The following NCEH1 variants were observed in gnomAD, a reference collection of about 807,000 sequenced individuals.
The protein encoded by NCEH1 is neutral cholesterol ester hydrolase 1.
A neutral mutation model predicts 25.4 loss-of-function variants in NCEH1; 9 were observed. The observed-to-expected ratio is 0.35, with a 90% CI of 0.21 to 0.62. The LOEUF (loss-of-function observed/expected upper bound fraction) is 0.62, where lower values mean the gene tolerates loss of function less well. Among genes scored for constraint, NCEH1 ranks in the 20% least tolerant of loss-of-function variants. The pLI is 0.72. For missense variants in NCEH1, 412 were observed against 501.1 expected (o/e 0.82, Z 1.70); for synonymous variants, 200 against 199.8 (o/e 1.00, Z -0.01).
chr3:172,669,744 C>A lies in NCEH1; in HGVS notation c.139-21630G>T, dbSNP rs567215885. ...TAGAGATGGGGTTTCGCCATCTTGG[C>A]CAGGCTAGTCTTGATCTCCTGACCT... is the stretch of plus-strand genomic sequence containing the variant. On this transcript the variant is annotated intron_variant, in intron 1 of 4. Transcript: ENST00000475381. Among the ~76,000 whole-genome samples the A allele has an allele frequency of 3.9e-5, 6 of 152,302 alleles. No individual in the cohort carries two copies. In the South Asian group the frequency reaches 1.2e-3, roughly 32 times the overall value.
intron 3 of NCEH1, among the ~76,000 whole-genome samples, chr3:172,643,279 C>A (rs1186574113): frequency 2.6e-5 from 4 of 152,136 alleles, no homozygotes; most frequent in Non-Finnish European, 5.9e-5. Context: ...CCCTGTGTTG[C>A]CTAGGCTGGA....
chr3:172,699,396 T>C (rs1713561428), intron 1 of NCEH1, among the ~76,000 whole-genome samples: 2 of 152,154 alleles, frequency 1.3e-5, no homozygotes, highest in East Asian at 1.9e-4. Context: ...GGATAGGAAG[T>C]GCGGGTGGGG....
intron 4 of NCEH1, among the ~76,000 whole-genome samples, chr3:172,635,330 C>A (rs1366012877): frequency 6.6e-6 from 1 of 152,222 alleles, no homozygotes; most frequent in African/African-American, 2.4e-5. Flanking sequence ...TAAGTTACTT[C>A]ATCCATAACA....
intron 1 of NCEH1, among the ~76,000 whole-genome samples, chr3:172,677,761 T>C (rs561451010): frequency 6.6e-6 from 1 of 152,326 alleles, no homozygotes; most frequent in South Asian, 2.1e-4. Context: ...ACCCCGTCTC[T>C]ACTAAAAATA....
chr3:172,648,773 T>C (rs1243795379), intron 1 of NCEH1, among the ~76,000 whole-genome samples: 1 of 152,180 alleles, frequency 6.6e-6, no homozygotes, highest in Non-Finnish European at 1.5e-5. Context: ...AAGACCATAC[T>C]GCCTGATGGT....
At chr3:172,664,076 T>C (rs1718091491) in intron 1 of NCEH1, among the ~76,000 whole-genome samples, 1 of 152,248 alleles carries the variant, frequency 6.6e-6, no homozygotes, top group Non-Finnish European at 1.5e-5. Context: ...CAATTTGGCA[T>C]GTTTTTGCAG....
intron 2 of NCEH1, among the ~76,000 whole-genome samples, chr3:172,646,532 T>C (rs1174853019): frequency 6.6e-6 from 1 of 152,180 alleles, no homozygotes; most frequent in East Asian, 1.9e-4. Context: ...AGAACCAATT[T>C]AATATGTAAG....
intron 1 of NCEH1, among the ~76,000 whole-genome samples, chr3:172,653,399 T>C (rs1320270012): frequency 1.3e-5 from 2 of 152,136 alleles, no homozygotes; most frequent in Admixed American, 1.3e-4. Flanking sequence ...TAAGTCAACA[T>C]AGAAATTATG....
At chr3:172,689,536 C>G (rs1380440598) in intron 1 of NCEH1, among the ~76,000 whole-genome samples, 5 of 151,118 alleles carry the variant, frequency 3.3e-5, no homozygotes, top group Admixed American at 3.3e-4. Flanking sequence ...CATGAGCCAC[C>G]ACACCTGGCC....
chr3:172,710,377 C>A (rs1401666481), intron 1 of NCEH1, among the ~76,000 whole-genome samples: 1 of 152,204 alleles, frequency 6.6e-6, no homozygotes, highest in Non-Finnish European at 1.5e-5. Context: ...GGGGACATTG[C>A]GAGACTGCCC....
intron 1 of NCEH1, among the ~76,000 whole-genome samples, chr3:172,709,227 TGGA>T (rs1043343739): frequency 6.6e-6 from 1 of 152,228 alleles, no homozygotes; most frequent in African/African-American, 2.4e-5. Context: ...TAACTTATGA[TGGA>T]GAAGACTTCT....
chr3:172,710,429 C>T (rs369477083), intron 1 of NCEH1, among the ~76,000 whole-genome samples: 7 of 150,154 alleles, frequency 4.7e-5, no homozygotes, highest in African/African-American at 1.7e-4. Flanking sequence ...TCCCAGGAAC[C>T]AGAGCCTGCT....
At chr3:172,658,336 T>C (rs1392446312) in intron 1 of NCEH1, among the ~76,000 whole-genome samples, 1 of 152,164 alleles carries the variant, frequency 6.6e-6, no homozygotes, top group African/African-American at 2.4e-5. Context: ...TTCCAGACCT[T>C]TGGTGGATCG....
intron 1 of NCEH1, among the ~76,000 whole-genome samples, chr3:172,659,884 T>C (rs1184337203): frequency 6.6e-6 from 1 of 152,134 alleles, no homozygotes; most frequent in Non-Finnish European, 1.5e-5. Flanking sequence ...GAGCCTTCCC[T>C]GGTAATAATA....
chr3:172,692,583 T>A (rs961763954), intron 1 of NCEH1, among the ~76,000 whole-genome samples: 32 of 152,058 alleles, frequency 2.1e-4, no homozygotes, highest in African/African-American at 7.7e-4. Context: ...CAGGCTGGTC[T>A]CAAACTCCTG....
At chr3:172,677,885 G>A (rs1233120580) in intron 1 of NCEH1, among the ~76,000 whole-genome samples, 1 of 152,244 alleles carries the variant, frequency 6.6e-6, no homozygotes, top group Non-Finnish European at 1.5e-5. Context: ...CTGAGATCGT[G>A]CCACTGCACT....
At chr3:172,665,586 G>A (rs1054040475) in intron 1 of NCEH1, among the ~76,000 whole-genome samples, 1 of 152,232 alleles carries the variant, frequency 6.6e-6, no homozygotes, top group African/African-American at 2.4e-5. Flanking sequence ...CCTGCCCCCA[G>A]AGGTGGAGTC....
At chr3:172,653,761 T>TTTTTG (rs1553830382) in intron 1 of NCEH1, among the ~76,000 whole-genome samples, 6 of 65,254 alleles carry the variant, frequency 9.2e-5, no homozygotes, top group African/African-American at 3.3e-4. Context: ...TGTTTTTTTG[T>TTTTTG]TTTTTTTTTT....
chr3:172,665,913 G>T (rs1374875061), intron 1 of NCEH1, among the ~76,000 whole-genome samples: 1 of 152,214 alleles, frequency 6.6e-6, no homozygotes, highest in East Asian at 1.9e-4. Flanking sequence ...GCTAGGAAAG[G>T]GAATTCCCCG....
Sources: gnomAD v4.1 joint callset for allele counts (sites outside exome capture counted in the v4.1 genomes callset) on GRCh38, gnomAD v4.1.1 for gene constraint, MANE v1.5 for transcripts, NCBI Gene and HGNC (gene_info 2026-07-23, HGNC 2026-07-21) for gene names.